Variants in SRPK2 observed in about 807,000 individuals in gnomAD.
The protein encoded by SRPK2 is SRSF protein kinase 2.
SRPK2 carries 21 observed loss-of-function variants against 90.8 expected under a neutral mutation model. The ratio of observed to expected loss-of-function variants is 0.23; its 90% CI spans 0.16 to 0.33. The LOEUF (loss-of-function observed/expected upper bound fraction) is 0.33. SRPK2 is among the 10% of genes least tolerant of loss of function. The probability of loss-of-function intolerance (pLI) is 1.00; values close to 1 mark genes in which losing one functional copy is unlikely to be tolerated. For missense variants in SRPK2, 620 were observed against 869.0 expected (o/e 0.71, Z 3.60); for synonymous variants, 288 against 311.1 (o/e 0.93, Z 0.78).
chr7:105,267,461 T>C (rs901944573), intron 2 of SRPK2, among the ~76,000 whole-genome samples: 2 of 152,122 alleles, frequency 1.3e-5, no homozygotes, highest in Non-Finnish European at 2.9e-5. Context: ...TGGCAGAATA[T>C]TCACAAGGCT....
intron 2 of SRPK2, among the ~76,000 whole-genome samples, chr7:105,207,296 C>T (rs1301831688): frequency 6.6e-6 from 1 of 152,278 alleles, no homozygotes; most frequent in East Asian, 1.9e-4. Context: ...GCCACTGGGC[C>T]TGGCCAAGGC....
At chr7:105,174,554 C>A (rs1268217712) in intron 3 of SRPK2, among the ~76,000 whole-genome samples, 1 of 151,982 alleles carries the variant, frequency 6.6e-6, no homozygotes, top group East Asian at 1.9e-4. Context: ...ACCCCCAACA[C>A]ACACAATGAT....
intron 2 of SRPK2, among the ~76,000 whole-genome samples, chr7:105,218,037 C>T (rs1311511762): frequency 2.0e-5 from 3 of 152,110 alleles, no homozygotes; most frequent in African/African-American, 7.2e-5. Context: ...AAAAAGGTGT[C>T]AATAGATCTA....
chr7:105,251,866 T>G (rs999253829), intron 2 of SRPK2, among the ~76,000 whole-genome samples: 3 of 152,194 alleles, frequency 2.0e-5, no homozygotes, highest in African/African-American at 7.2e-5. Flanking sequence ...AACAACAAAC[T>G]GAGGCTAAAT....
chr7:105,259,065 G>A (rs954974428), intron 2 of SRPK2, among the ~76,000 whole-genome samples: 1 of 152,212 alleles, frequency 6.6e-6, no homozygotes, highest in Admixed American at 6.5e-5. Flanking sequence ...GGAAATAAAG[G>A]GTATTCAATT....
intron 15 of SRPK2, among the ~76,000 whole-genome samples, chr7:105,119,348 G>C (rs1800005411): frequency 6.6e-6 from 1 of 152,122 alleles, no homozygotes; most frequent in South Asian, 2.1e-4. Context: ...ACAATGAAAA[G>C]GAAAGAGCAT....
chr7:105,223,015 TACTGAG>T (rs1367974286), intron 2 of SRPK2, among the ~76,000 whole-genome samples: 1 of 152,222 alleles, frequency 6.6e-6, no homozygotes, highest in Non-Finnish European at 1.5e-5. Context: ...AAAACTTTCC[TACTGAG>T]ACAATTACTC....
At chr7:105,366,142 C>T (rs1329748864) in intron 2 of SRPK2, among the ~76,000 whole-genome samples, 2 of 151,998 alleles carry the variant, frequency 1.3e-5, no homozygotes, top group Non-Finnish European at 2.9e-5. Flanking sequence ...CATGAGCCAC[C>T]GCACCCGGCC....
At chr7:105,114,846 TAGA>T (rs1444968750), downstream of SRPK2, among the ~76,000 whole-genome samples, 1 of 152,204 alleles carries the variant, frequency 6.6e-6, no homozygotes, top group African/African-American at 2.4e-5. Flanking sequence ...CTTCAAATTT[TAGA>T]AGAACATATA....
chr7:105,183,703 T>A (rs975881680), intron 3 of SRPK2, among the ~76,000 whole-genome samples: 2 of 152,086 alleles, frequency 1.3e-5, no homozygotes, highest in Admixed American at 1.3e-4. Context: ...TTAGTCAGGC[T>A]GGTCTACAAT....
Position 105,366,668 on chromosome 7 carries a change from C to T in SRPK2, c.71+21980G>A, listed in dbSNP as rs558875063. Among the ~76,000 whole-genome samples, 13 of 152,282 alleles carry T rather than the reference C, an allele frequency of 8.5e-5. No individual in the cohort carries two copies. In the East Asian group the frequency reaches 2.5e-3, roughly 29 times the overall value. On this transcript the variant is annotated intron_variant, in intron 2 of 15. Coordinates refer to ENST00000393651, the MANE Select transcript of SRPK2 (RefSeq NM_182692.3). ...ACAGGCGTGAGCCACCAGGCCCAGCCAGGTATGCCTTTCTTATTGCAATCC... is the reference window on the plus strand; with the variant it reads ...ACAGGCGTGAGCCACCAGGCCCAGCTAGGTATGCCTTTCTTATTGCAATCC...
intron 2 of SRPK2, among the ~76,000 whole-genome samples, chr7:105,350,177 C>A (rs1450697841): frequency 6.9e-6 from 1 of 144,360 alleles, no homozygotes; most frequent in African/African-American, 2.5e-5. Flanking sequence ...GTCACCCAGA[C>A]TGGAGTACAG....
At chr7:105,302,163 T>A (rs1272778358) in intron 2 of SRPK2, 3 of 1,025,574 alleles carry the variant, frequency 2.9e-6, no homozygotes, top group Non-Finnish European at 4.6e-6. Context: ...TACCATTTTC[T>A]GGTATTGAGG....
chr7:105,358,245 A>AAAAC (rs1214079166), intron 2 of SRPK2, among the ~76,000 whole-genome samples: 3 of 150,372 alleles, frequency 2.0e-5, no homozygotes, highest in African/African-American at 7.3e-5. Context: ...AAAAAAAAAA[A>AAAAC]CACCCCACGT....
chr7:105,321,220 G>A (rs901065973), intron 2 of SRPK2, among the ~76,000 whole-genome samples: 3 of 152,080 alleles, frequency 2.0e-5, no homozygotes, highest in African/African-American at 4.8e-5. Context: ...CACTCAATGC[G>A]GAAAGAACAG....
chr7:105,357,751 CA>C (rs199545498), intron 2 of SRPK2, among the ~76,000 whole-genome samples: 26 of 145,746 alleles, frequency 1.8e-4, no homozygotes, highest in African/African-American at 6.3e-4. Context: ...TCTCAAAAAA[CA>C]AAAAAAACAA....
chr7:105,250,389 T>C (rs1219689574), intron 2 of SRPK2, among the ~76,000 whole-genome samples: 1 of 147,680 alleles, frequency 6.8e-6, no homozygotes, highest in Non-Finnish European at 1.5e-5. Context: ...CACATGCCCT[T>C]ACATGCAAAC....
chr7:105,335,621 C>T (rs1234002051), intron 2 of SRPK2, among the ~76,000 whole-genome samples: 1 of 148,826 alleles, frequency 6.7e-6, no homozygotes, highest in African/African-American at 2.5e-5. Context: ...CACTGCACTC[C>T]AGCCCGGGTG....
chr7:105,236,506 T>C (rs934116806), intron 2 of SRPK2, among the ~76,000 whole-genome samples: 2 of 152,120 alleles, frequency 1.3e-5, no homozygotes, highest in Admixed American at 1.3e-4. Context: ...ACCTCTGATA[T>C]AATGGCACTG....
Sources: gnomAD v4.1 joint callset for allele counts (sites outside exome capture counted in the v4.1 genomes callset) on GRCh38, gnomAD v4.1.1 for gene constraint, MANE v1.5 for transcripts, NCBI Gene and HGNC (gene_info 2026-07-23, HGNC 2026-07-21) for gene names.